Variants in CEP85L observed in about 807,000 individuals in gnomAD.
The protein encoded by CEP85L is centrosomal protein 85L.
In CEP85L, 60 loss-of-function variants were observed where a neutral mutation model predicts 100.3. That is an observed-to-expected ratio of 0.60 (90% CI 0.49 to 0.74). The LOEUF is 0.74. Among genes scored for constraint, CEP85L ranks in the 30% least tolerant of loss-of-function variants. The pLI is 0.00. For synonymous variants in CEP85L, 319 were observed against 322.7 expected (o/e 0.99, Z 0.12); for missense variants, 973 against 936.2 (o/e 1.04, Z -0.51).
intron 1 of CEP85L, among the ~76,000 whole-genome samples, chr6:118,664,142 C>T (rs1776061968): frequency 6.6e-6 from 1 of 151,990 alleles, no homozygotes; most frequent in Admixed American, 6.6e-5. Context: ...GCAGTCCTCC[C>T]ACCTCAGCCT....
intron 4 of CEP85L, among the ~76,000 whole-genome samples, chr6:118,515,496 T>C (rs1243116296): frequency 6.6e-6 from 1 of 152,144 alleles, no homozygotes; most frequent in Non-Finnish European, 1.5e-5. Context: ...TTCTGAGCCA[T>C]GAAACAAGCA....
At chr6:118,612,170 C>A (rs1277334564) in intron 2 of CEP85L, among the ~76,000 whole-genome samples, 1 of 151,612 alleles carries the variant, frequency 6.6e-6, no homozygotes, top group Non-Finnish European at 1.5e-5. Flanking sequence ...AAATTAATAA[C>A]AGAAAGACAG....
intron 2 of CEP85L, among the ~76,000 whole-genome samples, chr6:118,587,608 T>TC (rs1408642294): frequency 3.3e-5 from 5 of 151,442 alleles, no homozygotes; most frequent in Admixed American, 1.3e-4. Context: ...CTTTCCAAAC[T>TC]CCCCCCCACC....
Position 118,681,937 on chromosome 6 carries a change from C to T in CEP85L, c.-28+28099G>A, listed in dbSNP as rs549537282. Among the ~76,000 whole-genome samples, 123 of 152,038 alleles carry T rather than the reference C, an allele frequency of 8.1e-4. 1 individual carries two copies. The highest frequency in any genetic ancestry group is 3.4e-3 in the Admixed American group (52 of 15,272). On this transcript the variant is annotated intron_variant, in intron 1 of 13. Transcript: ENST00000368488. ...TGTATTTTTAGTAGAGACGGGGTTT[C>T]GCCATGTTGCCAGGCTGGTCTCAAA...
At chr6:118,523,688 A>T (rs968878405) in intron 4 of CEP85L, 114 bp downstream of exon 4, 5 of 501,264 alleles carry the variant, frequency 1.0e-5, no homozygotes, top group African/African-American at 3.9e-5. Flanking sequence ...TGTGACATCA[A>T]TGAATCTGTA....
At chr6:118,642,479 T>C (rs983361056) in intron 1 of CEP85L, among the ~76,000 whole-genome samples, 4 of 152,078 alleles carry the variant, frequency 2.6e-5, no homozygotes, top group Admixed American at 1.3e-4. Context: ...GATTCCAAGA[T>C]TGGGAATTAA....
intron 3 of CEP85L, among the ~76,000 whole-genome samples, chr6:118,526,683 A>T (rs779266038): frequency 6.6e-6 from 1 of 152,348 alleles, no homozygotes; most frequent in South Asian, 2.1e-4. Flanking sequence ...TGCCAAAACC[A>T]AGACAGCCAT....
At chr6:118,601,105 T>C (rs1487101204) in intron 2 of CEP85L, among the ~76,000 whole-genome samples, 3 of 152,250 alleles carry the variant, frequency 2.0e-5, no homozygotes, top group Non-Finnish European at 2.9e-5. Context: ...ATGTAAGTTA[T>C]TCATGGTTAA....
intron 5 of CEP85L, among the ~76,000 whole-genome samples, chr6:118,501,136 A>T (rs1189160977): frequency 1.3e-5 from 2 of 152,180 alleles, no homozygotes; most frequent in Non-Finnish European, 2.9e-5. Context: ...AGAGCTCAGT[A>T]ACTGCTTTCC....
At chr6:118,551,448 A>G (rs893566009) in intron 3 of CEP85L, among the ~76,000 whole-genome samples, 1 of 151,926 alleles carries the variant, frequency 6.6e-6, no homozygotes, top group African/African-American at 2.4e-5. Flanking sequence ...CTTCCCCCAG[A>G]AAAGATTCTG....
intron 1 of CEP85L, among the ~76,000 whole-genome samples, chr6:118,697,951 C>T (rs887998730): frequency 2.6e-5 from 4 of 152,174 alleles, no homozygotes; most frequent in African/African-American, 7.2e-5. Context: ...AGAACCCTGA[C>T]GTTCCTGCTG....
chr6:118,693,954 A>T (rs1196118572), intron 1 of CEP85L, among the ~76,000 whole-genome samples: 11 of 152,158 alleles, frequency 7.2e-5, no homozygotes, highest in Non-Finnish European at 1.2e-4. Flanking sequence ...AGTATCTAGC[A>T]TTTTGGGCTT....
At chr6:118,495,351 C>T (rs1380626382) in intron 5 of CEP85L, among the ~76,000 whole-genome samples, 1 of 151,892 alleles carries the variant, frequency 6.6e-6, no homozygotes, top group East Asian at 1.9e-4. Context: ...TCCAATAATC[C>T]CTATATGTTG....
chr6:118,566,474 G>A (rs370475337), intron 2 of CEP85L, among the ~76,000 whole-genome samples, 158 bp from the exon 3 acceptor site: 19 of 152,230 alleles, frequency 1.2e-4, no homozygotes, highest in African/African-American at 4.6e-4. Context: ...CTGGAGTGCA[G>A]TGGCAAGATC....
At chr6:118,503,603 C>A (rs1249591836) in intron 5 of CEP85L, among the ~76,000 whole-genome samples, 2 of 151,852 alleles carry the variant, frequency 1.3e-5, no homozygotes, top group African/African-American at 4.8e-5. Flanking sequence ...TTAATCAATA[C>A]AACAAAATAG....
intron 3 of CEP85L, among the ~76,000 whole-genome samples, chr6:118,535,222 T>C (rs1777522098): frequency 6.6e-6 from 1 of 152,028 alleles, no homozygotes; most frequent in Non-Finnish European, 1.5e-5. Context: ...CACACAAATT[T>C]ATAACATGCA....
chr6:118,571,249 A>G (rs1176191748), intron 2 of CEP85L, among the ~76,000 whole-genome samples: 10 of 152,220 alleles, frequency 6.6e-5, no homozygotes, highest in African/African-American at 2.4e-4. Flanking sequence ...TTGTAGCCAC[A>G]AATCCCAAAT....
intron 2 of CEP85L, among the ~76,000 whole-genome samples, chr6:118,618,627 A>C (rs1773233561): frequency 6.6e-6 from 1 of 152,168 alleles, no homozygotes; most frequent in Admixed American, 6.5e-5. Context: ...GGAAGAAAGA[A>C]AATATAGTCA....
intron 2 of CEP85L, among the ~76,000 whole-genome samples, chr6:118,578,782 G>A (rs958462279): frequency 5.9e-5 from 9 of 152,202 alleles, no homozygotes; most frequent in Non-Finnish European, 1.0e-4. Context: ...TCTCGCGAGC[G>A]TGACTGATGC....
Sources: gnomAD v4.1 joint callset for allele counts (sites outside exome capture counted in the v4.1 genomes callset) on GRCh38, gnomAD v4.1.1 for gene constraint, MANE v1.5 for transcripts, NCBI Gene and HGNC (gene_info 2026-07-23, HGNC 2026-07-21) for gene names.